The following ERO1A variants were observed in gnomAD, a reference collection of about 807,000 sequenced individuals.
The protein encoded by ERO1A is endoplasmic reticulum oxidoreductase 1 alpha.
In ERO1A, 49 loss-of-function variants were observed where a neutral mutation model predicts 76.9. That is an observed-to-expected ratio of 0.64 (90% CI 0.51 to 0.81). The LOEUF is 0.81. Among genes scored for constraint, ERO1A ranks in the 30% least tolerant of loss-of-function variants. The probability of loss-of-function intolerance (pLI) is 0.00; values close to 1 mark genes in which losing one functional copy is unlikely to be tolerated. For missense variants in ERO1A, 448 were observed against 542.1 expected (o/e 0.83, Z 1.72); for synonymous variants, 174 against 181.2 (o/e 0.96, Z 0.32).
Position 52,653,281 on chromosome 14 carries a change from A to G in ERO1A, c.843T>C (p.Ile281=). The change falls in exon 12 of 16, where the codon ATT becomes ATC. Residue 281 remains isoleucine, a synonymous_variant. Transcript: ENST00000395686. Reference sequence around the variant, plus strand: ...CATCAAATCGCTGTTGAAATTCTGTAATGTTGTGTCCCCATTTCTTTTCTA... The same window carrying G: ...CATCAAATCGCTGTTGAAATTCTGTGATGTTGTGTCCCCATTTCTTTTCTA... ...TWLEKKWGHN[I]TEFQQRFDGI... 1 of 1,611,782 alleles carries G rather than the reference A, an allele frequency of 6.2e-7. No homozygotes were observed. Among genetic ancestry groups the G allele is most frequent in the African/African-American group, 1.3e-5 (1 of 74,944 alleles).
intron 3 of ERO1A, among the ~76,000 whole-genome samples, chr14:52,681,793 A>G (rs1455322776): frequency 3.9e-5 from 6 of 152,082 alleles, no homozygotes; most frequent in South Asian, 2.1e-4. Context: ...CAAGGCAAAA[A>G]CACACCCGAA....
At chr14:52,666,606 T>C in intron 6 of ERO1A, 111 bp from the exon 7 acceptor site, 1 of 1,026,224 alleles carries the variant, frequency 9.7e-7, no homozygotes, top group Non-Finnish European at 1.4e-6. Flanking sequence ...TAACAATGTG[T>C]CAGGAATTTT....
intron 13 of ERO1A, among the ~76,000 whole-genome samples, chr14:52,651,660 TTA>T (rs1334884598): frequency 6.6e-6 from 1 of 152,174 alleles, no homozygotes; most frequent in African/African-American, 2.4e-5. Context: ...ATACATGTGT[TTA>T]TGTTTTAATT....
rs560616240 is a variant in ERO1A, at chr14:52,658,014, GA to G, written c.716-6del. Reference sequence around the variant, plus strand: ...CTCTTTTTTCTACACAGAGACCTAAGAAAAAGCAGTGACTTAGAAATAAAAT... The same window carrying G: ...CTCTTTTTTCTACACAGAGACCTAAGAAAAGCAGTGACTTAGAAATAAAAT... On this transcript the variant is annotated splice_polypyrimidine_tract_variant and splice_region_variant and intron_variant, in intron 10 of 15. Coordinates refer to ENST00000395686, the MANE Select transcript of ERO1A (RefSeq NM_014584.3). The G allele has an allele frequency of 1.5e-4, 234 of 1,593,570 alleles. 2 individuals carry two copies. In the African/African-American group the frequency reaches 2.3e-3, roughly 16 times the overall value.
chr14:52,660,748 A>C (rs956020153), intron 9 of ERO1A, among the ~76,000 whole-genome samples: 1 of 152,224 alleles, frequency 6.6e-6, no homozygotes, highest in Non-Finnish European at 1.5e-5. Flanking sequence ...AAGTCTTTTC[A>C]TATTGTTAAG....
intron 13 of ERO1A, among the ~76,000 whole-genome samples, chr14:52,650,314 A>T (rs2039812441): frequency 6.6e-6 from 1 of 150,398 alleles, no homozygotes; most frequent in Non-Finnish European, 1.5e-5. Context: ...GTATCTATCT[A>T]TATCTAGTAT....
rs2039802125 is a variant in ERO1A, at chr14:52,650,023, CCT to C, written c.1125+2214_1125+2215del. Among the ~76,000 whole-genome samples, 4 of 152,124 alleles carry C rather than the reference CCT, an allele frequency of 2.6e-5. No individual in the cohort carries two copies. In the South Asian group the frequency reaches 6.2e-4, roughly 24 times the overall value. ...CTTGAGGCCAAGAATTCAAGACCAG[CCT>C]GGGCAACATAGTGAGACCCCAACTC... On this transcript the variant is annotated intron_variant, in intron 13 of 15. Coordinates refer to ENST00000395686, the MANE Select transcript of ERO1A (RefSeq NM_014584.3).
At chr14:52,689,300 T>C (rs544426212) in intron 1 of ERO1A, among the ~76,000 whole-genome samples, 2 of 152,146 alleles carry the variant, frequency 1.3e-5, no homozygotes, top group South Asian at 4.1e-4. Flanking sequence ...GCTCAAAGTG[T>C]GAATTAGGAA....
intron 1 of ERO1A, among the ~76,000 whole-genome samples, chr14:52,686,804 G>A (rs562735639): frequency 2.0e-5 from 3 of 151,988 alleles, no homozygotes; most frequent in African/African-American, 7.2e-5. Context: ...GAACCGGGGA[G>A]GCAGAGATTG....
chr14:52,671,419 GT>G (rs894815396), intron 6 of ERO1A, among the ~76,000 whole-genome samples: 34 of 152,106 alleles, frequency 2.2e-4, no homozygotes, highest in African/African-American at 7.2e-4. Flanking sequence ...TAGAAACTGA[GT>G]TTTTTTCTTT....
At chr14:52,686,248 G>A (rs1010656875) in intron 1 of ERO1A, among the ~76,000 whole-genome samples, 1 of 152,122 alleles carries the variant, frequency 6.6e-6, no homozygotes, top group Non-Finnish European at 1.5e-5. Flanking sequence ...GGAAGAGGTG[G>A]GTGAATGAAT....
chr14:52,676,800 C>A (rs1045558407), intron 4 of ERO1A, among the ~76,000 whole-genome samples: 1 of 150,332 alleles, frequency 6.7e-6, no homozygotes, highest in Non-Finnish European at 1.5e-5. Flanking sequence ...TTTGAGAGGC[C>A]GAGGTGGGTG....
At position 52,643,435 on chromosome 14, in the gene ERO1A, A is replaced by G. The variant is rs1033600494; in HGVS notation, c.*135T>C. 1 of 547,674 alleles carries G rather than the reference A, an allele frequency of 1.8e-6. No homozygotes were observed. Among genetic ancestry groups the G allele is most frequent in the African/African-American group, 2.0e-5 (1 of 49,774 alleles). 33.9% of individuals were successfully genotyped at this position (547,674 alleles called of 1,614,324 possible). A position where few individuals can be genotyped will look rare whatever the true frequency, so the allele number is the denominator to read the frequency against. On this transcript the variant is annotated 3_prime_UTR_variant, in exon 16 of 16. Coordinates refer to ENST00000395686, the MANE Select transcript of ERO1A (RefSeq NM_014584.3). ...TTTAAAAATGTGTTTACTTAAAACA[A>G]TATAATTCTCCTTTACAAAAGCAAC...
At chr14:52,647,575 A>G (rs978201117) in intron 13 of ERO1A, among the ~76,000 whole-genome samples, 1 of 152,082 alleles carries the variant, frequency 6.6e-6, no homozygotes, top group African/African-American at 2.4e-5. Flanking sequence ...CTTTTAATAC[A>G]TATGTATACA....
Position 52,653,055 on chromosome 14 carries a change from A to T in ERO1A, c.1055+14T>A. On this transcript the variant is annotated intron_variant, in intron 12 of 15. Transcript: ENST00000395686. ...ACTCTTCTATTAATGTATAAAGTTT[A>T]ATATATAATTTACTTGATTTCATGA... 6.8e-7 allele frequency: 1 copy of T among 1,471,982 alleles called. No homozygotes were observed. The highest frequency in any genetic ancestry group is 9.4e-7 in the Non-Finnish European group (1 of 1,062,584). 91.2% of individuals were successfully genotyped at this position (1,471,982 alleles called of 1,614,324 possible).
At chr14:52,681,695 A>G (rs2040999359) in intron 3 of ERO1A, among the ~76,000 whole-genome samples, 1 of 152,102 alleles carries the variant, frequency 6.6e-6, no homozygotes, top group African/African-American at 2.4e-5. Context: ...TTAAAACTCT[A>G]TTTTCACAGT....
intron 4 of ERO1A, among the ~76,000 whole-genome samples, chr14:52,673,179 T>A (rs183957449): frequency 2.6e-5 from 4 of 152,162 alleles, no homozygotes; most frequent in East Asian, 3.9e-4. Flanking sequence ...AGCCTCAACC[T>A]CCCAGGCTCA....
At chr14:52,676,389 C>T (rs1414986580) in intron 4 of ERO1A, among the ~76,000 whole-genome samples, 1 of 152,118 alleles carries the variant, frequency 6.6e-6, no homozygotes, top group African/African-American at 2.4e-5. Flanking sequence ...ACAGGTTTCC[C>T]ATTAACTAGT....
chr14:52,688,611 T>C (rs2041255332), intron 1 of ERO1A, among the ~76,000 whole-genome samples: 1 of 152,194 alleles, frequency 6.6e-6, no homozygotes, highest in South Asian at 2.1e-4. Context: ...GGCATTTTCA[T>C]AATGAATAAG....
Sources: allele counts gnomAD v4.1 joint callset (sites outside exome capture counted in the v4.1 genomes callset), GRCh38; gene constraint gnomAD v4.1.1; transcripts MANE v1.5; gene names NCBI Gene and HGNC (gene_info 2026-07-23, HGNC 2026-07-21).